Variants in PPM1H observed in about 807,000 individuals in gnomAD.
PPM1H encodes the protein protein phosphatase 1H.
PPM1H carries 27 observed loss-of-function variants against 54.9 expected under a neutral mutation model. The ratio of observed to expected loss-of-function variants is 0.49; its 90% CI spans 0.36 to 0.68. The LOEUF is 0.68. PPM1H is among the 30% of genes least tolerant of loss of function. The pLI, the probability that PPM1H is intolerant of heterozygous loss-of-function variation, is 0.00. For synonymous variants in PPM1H, 305 were observed against 270.8 expected, an observed-to-expected ratio of 1.13 and a Z score of -1.24; for missense variants, 596 against 667.8, an observed-to-expected ratio of 0.89 and a Z score of 1.19.
chr12:62,659,371 TCAAAAGAG>T, intron 9 of PPM1H: 1 of 435,010 alleles, frequency 2.3e-6, no homozygotes, highest in East Asian at 4.7e-5. Context: ...TTGAGACAGT[TCAAAAGAG>T]CAAAAGGACT....
At chr12:62,687,973 C>T (rs906882163) in intron 8 of PPM1H, among the ~76,000 whole-genome samples, 11 of 143,592 alleles carry the variant, frequency 7.7e-5, no homozygotes, top group African/African-American at 2.7e-4. Context: ...TGCACCACTG[C>T]ACTCCAGCCT....
intron 2 of PPM1H, among the ~76,000 whole-genome samples, chr12:62,821,207 G>A (rs570848043): frequency 2.6e-5 from 4 of 152,216 alleles, no homozygotes; most frequent in Non-Finnish European, 4.4e-5. Flanking sequence ...CAAAGTGAGA[G>A]GAGAAGTTTA....
chr12:62,775,292 C>T (rs1221088456), intron 4 of PPM1H, among the ~76,000 whole-genome samples: 2 of 152,162 alleles, frequency 1.3e-5, no homozygotes, highest in Non-Finnish European at 2.9e-5. Context: ...AGCCTCAGAC[C>T]GAGTTCAGGG....
chr12:62,740,486 G>A (rs1161749476), intron 4 of PPM1H, among the ~76,000 whole-genome samples: 3 of 152,102 alleles, frequency 2.0e-5, no homozygotes, highest in Non-Finnish European at 4.4e-5. Flanking sequence ...TTCTCCCTGG[G>A]TGCTCTCATT....
chr12:62,924,234 C>T (rs79658533), intron 1 of PPM1H, among the ~76,000 whole-genome samples: 23 of 152,116 alleles, frequency 1.5e-4, no homozygotes, highest in Admixed American at 3.9e-4. Flanking sequence ...GTAGCCAACT[C>T]GACAACTGTA....
intron 1 of PPM1H, among the ~76,000 whole-genome samples, chr12:62,860,247 T>G (rs1047192511): frequency 1.3e-5 from 2 of 152,096 alleles, no homozygotes; most frequent in African/African-American, 4.8e-5. Context: ...CTCACTATCA[T>G]GCAGACAGCA....
intron 7 of PPM1H, among the ~76,000 whole-genome samples, chr12:62,692,999 G>C (rs764676476): frequency 7.3e-5 from 11 of 150,402 alleles, no homozygotes; most frequent in Admixed American, 6.6e-5. Context: ...GTTTTCTTCT[G>C]AGTCATTTCT....
chr12:62,906,194 T>C (rs541132023), intron 1 of PPM1H, among the ~76,000 whole-genome samples: 4 of 152,236 alleles, frequency 2.6e-5, no homozygotes, highest in Admixed American at 6.5e-5. Context: ...ACTAGTACTA[T>C]ATTACTGTAG....
At chr12:62,920,385 A>G (rs1479417730) in intron 1 of PPM1H, among the ~76,000 whole-genome samples, 1 of 151,860 alleles carries the variant, frequency 6.6e-6, no homozygotes, top group African/African-American at 2.4e-5. Context: ...GGAGTGTGGT[A>G]GTGTGATCAC....
chr12:62,817,411 A>G (rs1318508991), intron 2 of PPM1H, among the ~76,000 whole-genome samples: 6 of 151,730 alleles, frequency 4.0e-5, no homozygotes, highest in Admixed American at 2.0e-4. Context: ...GCAGTGAGCC[A>G]AGATAGCGCC....
intron 1 of PPM1H, among the ~76,000 whole-genome samples, chr12:62,863,818 A>T (rs549533): frequency 0.14 from 21,306 of 152,156 alleles, 1,680 homozygotes; most frequent in East Asian, 0.37. Context: ...ACTAAATATG[A>T]CTAAGACCAC....
chr12:62,838,649 C>CA, intron 1 of PPM1H, among the ~76,000 whole-genome samples: 1 of 102,556 alleles, frequency 9.8e-6, no homozygotes, highest in African/African-American at 5.0e-5. Context: ...TGGCCGGGCG[C>CA]GGTGGCTCAC....
chr12:62,884,282 T>C, intron 1 of PPM1H, among the ~76,000 whole-genome samples: 1 of 150,636 alleles, frequency 6.6e-6, no homozygotes, highest in East Asian at 1.9e-4. Context: ...AGGTCAAGAG[T>C]TCGAGACCAG....
chr12:62,755,177 G>A, intron 4 of PPM1H: 1 of 566,604 alleles, frequency 1.8e-6, no homozygotes, highest in Admixed American at 2.3e-5. Flanking sequence ...CCATTTGACA[G>A]ACAGCCGCCT....
At chr12:62,751,092 A>G (rs1459938621) in intron 4 of PPM1H, among the ~76,000 whole-genome samples, 2 of 152,178 alleles carry the variant, frequency 1.3e-5, no homozygotes, top group East Asian at 1.9e-4. Context: ...ACTGCAGTCT[A>G]TTTATGAGTA....
chr12:62,761,375 G>T lies in PPM1H; in HGVS notation c.870-23789C>A, dbSNP rs74098830. 5.6e-3 allele frequency among the ~76,000 whole-genome samples: 853 copies of T among 152,322 alleles called. 8 individuals are homozygous for T. The highest frequency in any genetic ancestry group is 0.02 in the African/African-American group (815 of 41,558). ...CTGGGGGGCAAATGGGATTATGTAT[G>T]AAAAAAGGCTGGAAAGATATACCCC... On this transcript the variant is annotated intron_variant, in intron 4 of 9. Coordinates refer to ENST00000228705, the MANE Select transcript of PPM1H (RefSeq NM_020700.2).
At position 62,725,834 on chromosome 12, in the gene PPM1H, T is replaced by TA. The variant is rs139181763; in HGVS notation, c.955-5546dup. The stretch of plus-strand genomic sequence containing the variant: ...AATCAAATATAAAATTCAGATATGT[T>TA]AAAAAAAAACAAAGACGTGTCTTAG... On this transcript the variant is annotated intron_variant, in intron 5 of 9. Transcript: ENST00000228705. Among the ~76,000 whole-genome samples, 278 of 151,268 alleles carry TA rather than the reference T, an allele frequency of 1.8e-3. 1 individual carries two copies. The highest frequency in any genetic ancestry group is 0.011 in the East Asian group (55 of 5,160).
At chr12:62,782,014 ATT>A (rs942066559) in intron 4 of PPM1H, among the ~76,000 whole-genome samples, 54 of 152,302 alleles carry the variant, frequency 3.5e-4, no homozygotes, top group African/African-American at 1.1e-3. Context: ...AGAGTTGTTG[ATT>A]TTGTTTTTTT....
chr12:62,737,626 A>C (rs1167355296), intron 4 of PPM1H, 40 bp from the exon 5 acceptor site: 2 of 1,344,876 alleles, frequency 1.5e-6, no homozygotes, highest in Admixed American at 4.3e-5. Context: ...CCAATCTCAT[A>C]AATGCTCTGA....
Sources: gnomAD v4.1 joint callset for allele counts (sites outside exome capture counted in the v4.1 genomes callset) on GRCh38, gnomAD v4.1.1 for gene constraint, MANE v1.5 for transcripts, NCBI Gene and HGNC (gene_info 2026-07-23, HGNC 2026-07-21) for gene names.